The following SAMD4A variants were observed in gnomAD, a reference collection of about 807,000 sequenced individuals.
The protein encoded by SAMD4A is protein Smaug homolog 1.
A neutral mutation model predicts 81.3 loss-of-function variants in SAMD4A; 33 were observed. The ratio of observed to expected loss-of-function variants is 0.41; its 90% CI spans 0.31 to 0.54. The LOEUF is 0.54. Among genes scored for constraint, SAMD4A ranks in the 20% least tolerant of loss-of-function variants. The pLI is 0.37. For missense variants in SAMD4A, 854 were observed against 951.1 expected, an observed-to-expected ratio of 0.90 and a Z score of 1.34; for synonymous variants, 389 against 382.1, an observed-to-expected ratio of 1.02 and a Z score of -0.21.
chr14:54,709,134 G>A (rs977695054), intron 3 of SAMD4A, among the ~76,000 whole-genome samples: 4 of 151,956 alleles, frequency 2.6e-5, no homozygotes, highest in South Asian at 2.1e-4. Flanking sequence ...AAAATTAGCC[G>A]GGTGTGGTGG....
chr14:54,742,527 A>G (rs561272464), intron 4 of SAMD4A, among the ~76,000 whole-genome samples: 1 of 152,282 alleles, frequency 6.6e-6, no homozygotes, highest in East Asian at 1.9e-4. Flanking sequence ...AGCCAAGTTC[A>G]TCTGAGGGAC....
intron 3 of SAMD4A, among the ~76,000 whole-genome samples, chr14:54,720,337 T>C (rs2037229410): frequency 6.6e-6 from 1 of 152,214 alleles, no homozygotes; most frequent in Admixed American, 6.5e-5. Context: ...CTCTTCTGTT[T>C]GTGTTGGACT....
Position 54,790,971 on chromosome 14 carries a change from A to G in SAMD4A, c.*2027A>G, listed in dbSNP as rs530203754. 2.0e-5 allele frequency: 3 copies of G among 152,112 alleles called. No homozygotes were observed. Among genetic ancestry groups the G allele is most frequent in the Admixed American group, 6.5e-5 (1 of 15,272 alleles). The allele number at this position is 152,112 out of a possible 1,614,324, so 9.4% of individuals were successfully genotyped here. On this transcript the variant is annotated 3_prime_UTR_variant, in exon 13 of 13. Transcript: ENST00000554335. ...AGAGAAGGCTTGAATCCACAATTTC[A>G]TTCGCTGAATTAAAAAAAAAAGGTT...
intron 7 of SAMD4A, among the ~76,000 whole-genome samples, chr14:54,762,313 A>G (rs2038420842): frequency 6.6e-6 from 1 of 152,124 alleles, no homozygotes; most frequent in Admixed American, 6.6e-5. Flanking sequence ...GGGGAAAACA[A>G]TTTTTTCTCT....
In SAMD4A at chr14:54,723,756, A is replaced by G. The variant is rs554341922; in HGVS notation, c.716-13268A>G. Among the ~76,000 whole-genome samples the G allele has an allele frequency of 3.3e-5, 5 of 152,308 alleles. No homozygotes were observed. The East Asian group carries it at 9.6e-4, about 29-fold the overall frequency. On this transcript the variant is annotated intron_variant, in intron 3 of 12. Transcript: ENST00000554335. ...ATCTGTGCAGCCTTGTTTTTTATGA[A>G]TGCTCTTTTTGGCATCAGTATCCCT...
chr14:54,758,495 G>C (rs763152603), intron 6 of SAMD4A, among the ~76,000 whole-genome samples: 2 of 152,204 alleles, frequency 1.3e-5, no homozygotes, highest in Non-Finnish European at 2.9e-5. Context: ...TCATGCATCA[G>C]GCTTTTTAAA....
rs139848587 is a variant in SAMD4A, at chr14:54,770,475, G to A, written c.1715+253G>A. 2.4e-3 allele frequency among the ~76,000 whole-genome samples: 372 copies of A among 152,356 alleles called. 1 individual carries two copies. Among genetic ancestry groups the A allele is most frequent in the Non-Finnish European group, 3.7e-3 (250 of 68,034 alleles). On this transcript the variant is annotated intron_variant, in intron 9 of 12. Coordinates refer to ENST00000554335, the MANE Select transcript of SAMD4A (RefSeq NM_015589.6). The stretch of plus-strand genomic sequence containing the variant: ...ATTGTCAAAATGATGGTAATAGTCC[G>A]GATGGGTATCAGAGGGGAGAGTGGG...
intron 2 of SAMD4A, among the ~76,000 whole-genome samples, chr14:54,614,849 G>A (rs1027344043): frequency 2.0e-5 from 3 of 152,186 alleles, no homozygotes; most frequent in African/African-American, 7.2e-5. Flanking sequence ...CATGGGAAGT[G>A]GCTCTGTGAT....
intron 7 of SAMD4A, 100 bp downstream of exon 7, chr14:54,760,594 C>T: frequency 7.4e-7 from 1 of 1,347,710 alleles, no homozygotes; most frequent in Non-Finnish European, 9.4e-7. Context: ...AATTCCCTGT[C>T]CAAGTAGACA....
chr14:54,625,771 C>T (rs781686622), intron 2 of SAMD4A, among the ~76,000 whole-genome samples: 63 of 152,160 alleles, frequency 4.1e-4, no homozygotes, highest in Non-Finnish European at 7.2e-4. Flanking sequence ...CAGCTTTGCT[C>T]ACGGGGCATG....
chr14:54,699,829 T>G (rs929451635), intron 2 of SAMD4A, among the ~76,000 whole-genome samples: 1 of 152,186 alleles, frequency 6.6e-6, no homozygotes, highest in Non-Finnish European at 1.5e-5. Flanking sequence ...TCTAAAGCCT[T>G]CCTTGGTGAT....
intron 11 of SAMD4A, chr14:54,784,317 T>G: frequency 6.5e-7 from 1 of 1,535,110 alleles, no homozygotes; most frequent in Non-Finnish European, 8.8e-7. Context: ...GACCAGCTAT[T>G]TTTAGTCTCC....
At chr14:54,776,855 A>AGTGT (rs34095224) in intron 11 of SAMD4A, among the ~76,000 whole-genome samples, 78 of 149,966 alleles carry the variant, frequency 5.2e-4, no homozygotes, top group East Asian at 1.2e-3. Flanking sequence ...CTCCATGTGT[A>AGTGT]GTGTGTGTGT....
In SAMD4A at chr14:54,760,240, G is replaced by A. The variant is rs1454088454; in HGVS notation, c.1256G>A (p.Ser419Asn). ...ATCCTGACTCCGATCAAGGCCTACA[G>A]CTCCCCGAGCACCACCCCCGAGGCT... The part of the protein sequence containing the change: ...QMILTPIKAY[S>N]SPSTTPEARR... Residue 419 changes from serine (S) to asparagine (N), a missense_variant, in exon 7 of 13, where the codon AGC (serine) becomes AAC (asparagine). Transcript: ENST00000554335. 8.1e-6 allele frequency: 13 copies of A among 1,613,150 alleles called. No homozygotes were observed. Among genetic ancestry groups the A allele is most frequent in the Admixed American group, 1.7e-5 (1 of 59,990 alleles).
At chr14:54,706,167 G>A (rs2036845913) in intron 3 of SAMD4A, among the ~76,000 whole-genome samples, 1 of 151,458 alleles carries the variant, frequency 6.6e-6, no homozygotes, top group South Asian at 2.1e-4. Flanking sequence ...GAACAACATA[G>A]CTAGACCCCA....
upstream of SAMD4A, among the ~76,000 whole-genome samples, chr14:54,565,774 G>T (rs1333107631): frequency 6.6e-6 from 1 of 151,908 alleles, no homozygotes; most frequent in Non-Finnish European, 1.5e-5. This position sits in a 1 kb window ranked among gnomAD's most constrained non-coding sequence, Gnocchi z 5.4. Context: ...TGAGTGTCCC[G>T]ACCCCTCCAG....
chr14:54,614,871 G>A (rs1478500457), intron 2 of SAMD4A, among the ~76,000 whole-genome samples: 3 of 152,216 alleles, frequency 2.0e-5, no homozygotes, highest in African/African-American at 7.2e-5. Flanking sequence ...GTCTAATGAA[G>A]TCCTCAAGTC....
chr14:54,788,813 C>T (rs1420377927), intron 12 of SAMD4A, 103 bp from the exon 13 acceptor site: 1 of 1,394,528 alleles, frequency 7.2e-7, no homozygotes, highest in Non-Finnish European at 1.0e-6. Flanking sequence ...CCTTCTCTGC[C>T]CTCAGAGGCT....
chr14:54,753,256 A>C (rs1270185260), intron 6 of SAMD4A, among the ~76,000 whole-genome samples: 2 of 152,278 alleles, frequency 1.3e-5, no homozygotes, highest in African/African-American at 4.8e-5. Flanking sequence ...GAAACCTTGG[A>C]CAATACCCCG....
Sources: gnomAD v4.1 joint callset for allele counts (sites outside exome capture counted in the v4.1 genomes callset) on GRCh38, gnomAD v4.1.1 for gene constraint, Gnocchi (gnomAD v3.1) non-coding constraint, MANE v1.5 for transcripts, NCBI Gene and HGNC (gene_info 2026-07-23, HGNC 2026-07-21) for gene names.